The following VPS13B variants were observed in gnomAD, a reference collection of about 807,000 sequenced individuals.
VPS13B encodes the protein intermembrane lipid transfer protein VPS13B.
A neutral mutation model predicts 426.4 loss-of-function variants in VPS13B; 285 were observed. The observed-to-expected ratio is 0.67, with a 90% confidence interval of 0.61 to 0.74. VPS13B has a LOEUF of 0.74. Ranked by LOEUF, VPS13B falls within the 30% of genes least tolerant of loss-of-function variation. VPS13B has a pLI of 0.00. For synonymous variants in VPS13B, 1,676 were observed against 1,676.4 expected, an observed-to-expected ratio of 1.00 and a Z score of 0.01; for missense variants, 4,537 against 4,782.6, an observed-to-expected ratio of 0.95 and a Z score of 1.51.
At chr8:99,677,681 A>C (rs1462956195) in intron 35 of VPS13B, among the ~76,000 whole-genome samples, 1 of 152,144 alleles carries the variant, frequency 6.6e-6, no homozygotes, top group Non-Finnish European at 1.5e-5. Context: ...GTTGGCAGGG[A>C]GGTAGGGGGC....
intron 17 of VPS13B, among the ~76,000 whole-genome samples, chr8:99,210,661 A>C (rs1201202914): frequency 6.6e-6 from 1 of 152,120 alleles, no homozygotes; most frequent in African/African-American, 2.4e-5. Flanking sequence ...GCTGGAGTGC[A>C]GTGGTGCAAT....
intron 31 of VPS13B, among the ~76,000 whole-genome samples, chr8:99,561,348 C>T (rs1247449316): frequency 6.6e-6 from 1 of 152,104 alleles, no homozygotes; most frequent in East Asian, 1.9e-4. Flanking sequence ...ACTTAGCATA[C>T]TGTTTTGTAT....
At chr8:99,583,116 C>T (rs1032340508) in intron 33 of VPS13B, among the ~76,000 whole-genome samples, 2 of 152,158 alleles carry the variant, frequency 1.3e-5, no homozygotes, top group Non-Finnish European at 2.9e-5. Flanking sequence ...GCTTTTCCCC[C>T]CAGAGCCATT....
chr8:99,776,267 T>C (rs1811737136), intron 40 of VPS13B, among the ~76,000 whole-genome samples: 1 of 152,146 alleles, frequency 6.6e-6, no homozygotes, highest in Non-Finnish European at 1.5e-5. Flanking sequence ...GATTTGGAGA[T>C]CAGTATGATC....
intron 39 of VPS13B, among the ~76,000 whole-genome samples, chr8:99,752,810 A>G (rs186220941): frequency 2.8e-4 from 42 of 152,344 alleles, no homozygotes; most frequent in African/African-American, 9.6e-4. Context: ...GAAAGAACCA[A>G]CTATCAATGA....
chr8:99,664,886 T>C (rs1415470564), intron 35 of VPS13B, among the ~76,000 whole-genome samples: 1 of 152,168 alleles, frequency 6.6e-6, no homozygotes, highest in Non-Finnish European at 1.5e-5. Context: ...CCCTGAGAAA[T>C]CGCCACACTG....
At chr8:99,334,160 T>C (rs1394345228) in intron 19 of VPS13B, among the ~76,000 whole-genome samples, 2 of 151,994 alleles carry the variant, frequency 1.3e-5, no homozygotes, top group African/African-American at 2.4e-5. Flanking sequence ...TCCAAGTAGT[T>C]ATATGACTTA....
At chr8:99,657,112 C>T (rs554053839) in intron 34 of VPS13B, among the ~76,000 whole-genome samples, 24 of 152,224 alleles carry the variant, frequency 1.6e-4, no homozygotes, top group African/African-American at 5.8e-4. Context: ...CTACTATGGC[C>T]AGTTGGTTTA....
At chr8:99,745,752 GTATCT>G (rs1810049543) in intron 39 of VPS13B, among the ~76,000 whole-genome samples, 1 of 152,002 alleles carries the variant, frequency 6.6e-6, no homozygotes, top group Admixed American at 6.6e-5. Flanking sequence ...GTAATTATCA[GTATCT>G]TGTCCTAGTT....
At position 99,162,664 on chromosome 8, in the gene VPS13B, G is replaced by A. The variant is rs574732625; in HGVS notation, c.2208+5921G>A. Among the ~76,000 whole-genome samples the A allele has an allele frequency of 2.7e-3, 418 of 152,336 alleles. 6 individuals are homozygous for A. The highest frequency in any genetic ancestry group is 0.019 in the South Asian group (94 of 4,826). ...TCTGGAGTTGTTCGTTCCTCCCGGT[G>A]GGCTCATGGTCTCGCTGGGCTCAGG... On this transcript the variant is annotated intron_variant, in intron 15 of 61. Coordinates refer to ENST00000357162, the MANE Select transcript of VPS13B (RefSeq NM_152564.5).
chr8:99,318,327 AAGAG>A (rs888886838), intron 19 of VPS13B, among the ~76,000 whole-genome samples: 10 of 152,176 alleles, frequency 6.6e-5, no homozygotes, highest in African/African-American at 2.4e-4. Flanking sequence ...TGGTATGTAA[AAGAG>A]AGAGATTGAT....
rs138654197 is a variant in VPS13B at position 99,406,978 on chromosome 8, G to C, written c.3082+15274G>C. Among the ~76,000 whole-genome samples, 465 of 152,258 alleles carry C rather than the reference G, an allele frequency of 3.1e-3. 3 individuals carry two copies. The highest frequency in any genetic ancestry group is 0.011 in the African/African-American group (452 of 41,552). On this transcript the variant is annotated intron_variant, in intron 21 of 61. Coordinates refer to ENST00000357162, the MANE Select transcript of VPS13B (RefSeq NM_152564.5). ...TGATTGGAGTAAAGAGTCTTTAGTGGAAACAGTGGAAAATAAAGTTGAACA... is the reference window on the plus strand; with the variant it reads ...TGATTGGAGTAAAGAGTCTTTAGTGCAAACAGTGGAAAATAAAGTTGAACA...
intron 21 of VPS13B, among the ~76,000 whole-genome samples, chr8:99,412,689 A>G (rs1439244132): frequency 6.6e-6 from 1 of 152,148 alleles, no homozygotes; most frequent in Non-Finnish European, 1.5e-5. Context: ...CCCTTCCAGT[A>G]TGATATTGAC....
chr8:99,676,132 G>C (rs780358220), intron 35 of VPS13B, among the ~76,000 whole-genome samples: 1 of 151,850 alleles, frequency 6.6e-6, no homozygotes, highest in Non-Finnish European at 1.5e-5. Context: ...GAACTTTTTG[G>C]TCATGTTGTC....
chr8:99,526,658 A>T (rs1822660354), intron 30 of VPS13B, among the ~76,000 whole-genome samples: 1 of 152,202 alleles, frequency 6.6e-6, no homozygotes, highest in Non-Finnish European at 1.5e-5. Flanking sequence ...GTTTTGGAGG[A>T]TTGGGTGGGT....
intron 25 of VPS13B, among the ~76,000 whole-genome samples, chr8:99,497,160 A>AAAATATATTTATATATTTAATATAT (rs1820940856): frequency 7.9e-6 from 1 of 126,976 alleles, no homozygotes; most frequent in African/African-American, 3.3e-5. Flanking sequence ...ATGTAATATA[A>AAAATATATTTATATATTTAATATAT]AAATATATTT....
chr8:99,570,845 G>A (rs1825437598), intron 31 of VPS13B, among the ~76,000 whole-genome samples: 1 of 152,048 alleles, frequency 6.6e-6, no homozygotes, highest in African/African-American at 2.4e-5. Flanking sequence ...ATGCCCCAGG[G>A]TTATCAAAAT....
chr8:99,147,930 C>T lies in VPS13B; in HGVS notation c.1933C>T (p.Leu645Phe), dbSNP rs1233751040. 3 of 1,613,812 alleles carry T rather than the reference C, an allele frequency of 1.9e-6. No homozygotes were observed. Among genetic ancestry groups the T allele is most frequent in the Non-Finnish European group, 1.7e-6 (2 of 1,179,844 alleles). ...YIPTRHTSVT[L>F]LKCTCTISMA... is the part of the protein sequence containing the mutation. ...TCCTACTCGACATACAAGTGTTACT[C>T]TCCTCAAATGTACCTGCACAATTTC... Residue 645 changes from leucine to phenylalanine, a missense_variant, in exon 14 of 62, where the codon CTC becomes TTC. This residue lies in a region of VPS13B where 4,311 missense variants were observed against 4,474.3 expected (regional missense o/e 0.96). Transcript: ENST00000357162.
chr8:99,501,901 T>G, intron 26 of VPS13B, 43 bp downstream of exon 26: 1 of 1,207,124 alleles, frequency 8.3e-7, no homozygotes, highest in African/African-American at 2.3e-5. Context: ...CCTCTGTCCC[T>G]CCCTCCCTCC....
Sources: allele counts gnomAD v4.1 joint callset (sites outside exome capture counted in the v4.1 genomes callset), GRCh38; gene constraint gnomAD v4.1.1; regional missense constraint gnomAD v4.1.1; transcripts MANE v1.5; gene names NCBI Gene and HGNC (gene_info 2026-07-23, HGNC 2026-07-21).